ACTR3C: variants seen among roughly 807,000 people sequenced by gnomAD.
The protein encoded by ACTR3C is actin related protein 3C, also known as actin-related protein 3C.
Under a neutral mutation model 26.3 loss-of-function variants are expected in ACTR3C, and 18 were observed. The observed-to-expected ratio is 0.68, with a 90% CI of 0.47 to 1.01. The LOEUF (loss-of-function observed/expected upper bound fraction) is 1.01, where lower values mean the gene tolerates loss of function less well. Among genes scored for constraint, ACTR3C ranks in the 50% least tolerant of loss-of-function variants. The probability of loss-of-function intolerance (pLI) is 0.00; values close to 1 mark genes in which losing one functional copy is unlikely to be tolerated. For synonymous variants in ACTR3C, 55 were observed against 94.5 expected, an observed-to-expected ratio of 0.58 and a Z score of 2.42; for missense variants, 184 against 250.7, an observed-to-expected ratio of 0.73 and a Z score of 1.80.
intron 1 of ACTR3C, 132 bp downstream of exon 1, chr7:150,323,337 C>T (rs1042722333): frequency 3.6e-6 from 1 of 274,756 alleles, no homozygotes; most frequent in Middle Eastern, 1.4e-3. Context: ...TTGGCCAGGC[C>T]CCCTGGGCGC....
the ACTR3C span, among the ~76,000 whole-genome samples, chr7:150,168,057 G>A: frequency 1.3e-5 from 2 of 150,666 alleles, no homozygotes; most frequent in African/African-American, 5.0e-5. Flanking sequence ...TTCTGTAGAA[G>A]AATTGAACAT....
the ACTR3C span, chr7:150,047,555 G>T: frequency 9.9e-7 from 1 of 1,010,784 alleles, no homozygotes; most frequent in Non-Finnish European, 1.2e-6. Flanking sequence ...GCGTCTCGCT[G>T]CGCGCTCAGC....
chr7:150,023,149 CTATATAGATATCTATATAGATATAT>C, the ACTR3C span, among the ~76,000 whole-genome samples: 1 of 76,698 alleles, frequency 1.3e-5, no homozygotes, highest in Non-Finnish European at 2.9e-5. Context: ...ATATAGATAT[CTATATAGATATCTATATAGATATAT>C]AGATATCTCT....
the ACTR3C span, among the ~76,000 whole-genome samples, chr7:150,017,354 G>A: frequency 6.6e-6 from 1 of 151,426 alleles, no homozygotes; most frequent in African/African-American, 2.4e-5. Context: ...TCTTATTTGG[G>A]AGCCCCTTCT....
chr7:150,217,128 G>A, the ACTR3C span, among the ~76,000 whole-genome samples: 2 of 146,666 alleles, frequency 1.4e-5, no homozygotes, highest in South Asian at 4.2e-4. Flanking sequence ...TGTGTGGCAG[G>A]TCCTGCTGCG....
chr7:150,247,495 A>G lies in ACTR3C; in HGVS notation c.*113T>C, dbSNP rs1044003951. On this transcript the variant is annotated 3_prime_UTR_variant, in exon 8 of 8. Transcript: ENST00000683684. ...CCATAGTGACATGTAAACAATTGAT[A>G]TGAGAGTTTTTCTTGAGAATGAATT... 7.0e-6 allele frequency: 1 copy of G among 141,960 alleles called. No homozygotes were observed. The highest frequency in any genetic ancestry group is 1.5e-5 in the Non-Finnish European group (1 of 65,966). 8.8% of individuals were successfully genotyped at this position (141,960 alleles called of 1,614,324 possible).
the ACTR3C span, among the ~76,000 whole-genome samples, chr7:149,943,500 G>A: frequency 6.6e-6 from 1 of 150,882 alleles, no homozygotes; most frequent in Non-Finnish European, 1.5e-5. Context: ...GCCGAGGCGG[G>A]CAGATCGCCT....
the ACTR3C span, among the ~76,000 whole-genome samples, chr7:150,036,918 C>CT: frequency 1.9e-5 from 2 of 104,830 alleles, 1 homozygote; most frequent in African/African-American, 7.3e-5. Flanking sequence ...TGCCTCCCCC[C>CT]TCTGCGATGG....
the ACTR3C span, among the ~76,000 whole-genome samples, chr7:149,989,917 T>C: frequency 6.6e-6 from 1 of 152,244 alleles, no homozygotes; most frequent in East Asian, 1.9e-4. Flanking sequence ...AGGGTTCCCT[T>C]CTCTCCACAT....
the ACTR3C span, among the ~76,000 whole-genome samples, chr7:150,162,251 G>A: frequency 1.3e-5 from 2 of 152,124 alleles, no homozygotes; most frequent in African/African-American, 4.8e-5. Flanking sequence ...AACACCAATA[G>A]AGTCAAGATC....
chr7:150,204,760 C>A, the ACTR3C span, among the ~76,000 whole-genome samples: 1 of 150,644 alleles, frequency 6.6e-6, no homozygotes, highest in African/African-American at 2.4e-5. Context: ...CCAGGGAGGA[C>A]CAGCGAGTGC....
the ACTR3C span, among the ~76,000 whole-genome samples, chr7:150,022,007 T>C: frequency 6.6e-6 from 1 of 151,950 alleles, no homozygotes. Context: ...CTGGATCAAA[T>C]GGTAGATCTA....
chr7:150,226,429 G>T, the ACTR3C span, among the ~76,000 whole-genome samples: 32 of 152,062 alleles, frequency 2.1e-4, 1 homozygote, highest in Admixed American at 9.2e-4. Flanking sequence ...ATTGCTTTTT[G>T]TTGTTGTTGT....
At chr7:149,946,975 G>A in the ACTR3C span, among the ~76,000 whole-genome samples, 12,581 of 145,910 alleles carry the variant, frequency 0.086, 2,095 homozygotes, top group African/African-American at 0.33. Flanking sequence ...GTGGGAAGCA[G>A]TGTATCTGCC....
the ACTR3C span, among the ~76,000 whole-genome samples, chr7:150,071,176 T>C: frequency 2.0e-5 from 3 of 151,540 alleles, no homozygotes; most frequent in Non-Finnish European, 2.9e-5. Context: ...CAGGCTGGAG[T>C]ACAGTGGTGC....
the ACTR3C span, among the ~76,000 whole-genome samples, chr7:149,974,525 C>T: frequency 6.6e-6 from 1 of 152,114 alleles, no homozygotes; most frequent in Admixed American, 6.6e-5. Flanking sequence ...TTTACATTTC[C>T]ACGTCACCAC....
At chr7:150,120,234 C>A in the ACTR3C span, among the ~76,000 whole-genome samples, 620 of 152,184 alleles carry the variant, frequency 4.1e-3, 8 homozygotes, top group African/African-American at 0.014. Context: ...TAATTAAGAT[C>A]AGAGCAGAAC....
intron 1 of ACTR3C, among the ~76,000 whole-genome samples, chr7:150,315,878 C>A (rs188579150): frequency 8.6e-5 from 13 of 151,904 alleles, no homozygotes; most frequent in Admixed American, 7.9e-4. Context: ...CAGTCCATAT[C>A]AGTACACAGT....
intron 1 of ACTR3C, among the ~76,000 whole-genome samples, chr7:150,297,547 C>A (rs1024962115): frequency 1.2e-4 from 18 of 152,286 alleles, no homozygotes; most frequent in African/African-American, 4.3e-4. Context: ...CCATTTAAGA[C>A]GTAGGAATAA....
Sources: allele counts gnomAD v4.1 joint callset (sites outside exome capture counted in the v4.1 genomes callset), GRCh38; gene constraint gnomAD v4.1.1; transcripts MANE v1.5; gene names NCBI Gene and HGNC (gene_info 2026-07-23, HGNC 2026-07-21).